Variants in TBCK observed in about 807,000 individuals in gnomAD.
The protein encoded by TBCK is TBC1 domain containing kinase, also known as TBC domain-containing protein kinase-like protein.
Under a neutral mutation model 113.4 loss-of-function variants are expected in TBCK, and 99 were observed. That is an observed-to-expected ratio of 0.87 (90% CI 0.74 to 1.03). The LOEUF (loss-of-function observed/expected upper bound fraction) is 1.03, where lower values mean the gene tolerates loss of function less well. Ranked by LOEUF, TBCK falls within the 50% of genes least tolerant of loss-of-function variation. The pLI is 0.00. For missense variants in TBCK, 1,045 were observed against 1,061.3 expected (o/e 0.98, Z 0.21); for synonymous variants, 369 against 370.8 (o/e 1.00, Z 0.05).
At chr4:106,071,416 A>T (rs924110835) in intron 25 of TBCK, among the ~76,000 whole-genome samples, 2 of 152,006 alleles carry the variant, frequency 1.3e-5, no homozygotes, top group Non-Finnish European at 2.9e-5. Context: ...TTTTGAGTGA[A>T]TTTCTTAATC....
intron 23 of TBCK, among the ~76,000 whole-genome samples, chr4:106,134,073 C>A (rs1228923709): frequency 1.3e-5 from 2 of 151,652 alleles, no homozygotes; most frequent in Non-Finnish European, 2.9e-5. Flanking sequence ...ATTGGTAAGG[C>A]AGGTAACATC....
intron 17 of TBCK, among the ~76,000 whole-genome samples, chr4:106,232,502 T>C (rs971631773): frequency 2.0e-5 from 3 of 149,970 alleles, no homozygotes; most frequent in African/African-American, 2.5e-5. Context: ...ATATGAACCA[T>C]TAAAGATACA....
chr4:106,304,416 T>C (rs1043446518), intron 2 of TBCK, among the ~76,000 whole-genome samples: 2 of 152,176 alleles, frequency 1.3e-5, no homozygotes, highest in African/African-American at 2.4e-5. Context: ...ATAGTCTCCA[T>C]AGTTCATCTA....
intron 19 of TBCK, among the ~76,000 whole-genome samples, chr4:106,216,990 C>T (rs953712518): frequency 1.3e-5 from 2 of 152,174 alleles, no homozygotes; most frequent in Admixed American, 6.5e-5. Flanking sequence ...CAAACCAAAT[C>T]CAGCAGCACA....
intron 10 of TBCK, 103 bp downstream of exon 10, chr4:106,247,036 C>T: frequency 8.7e-7 from 1 of 1,149,906 alleles, no homozygotes; most frequent in East Asian, 2.5e-5. Flanking sequence ...TCCCATGATC[C>T]CACCAATATA....
intron 21 of TBCK, 45 bp from the exon 22 acceptor site, chr4:106,193,815 C>G: frequency 8.1e-7 from 1 of 1,242,076 alleles, no homozygotes; most frequent in Non-Finnish European, 1.1e-6. Context: ...ACCAAAATAA[C>G]AATTAAAACA....
At chr4:106,113,778 A>G (rs770943119) in intron 24 of TBCK, among the ~76,000 whole-genome samples, 2 of 152,148 alleles carry the variant, frequency 1.3e-5, no homozygotes, top group Admixed American at 1.3e-4. Context: ...GTTCCTTCCT[A>G]TGCTTTATTA....
Position 106,045,867 on chromosome 4 carries a change from A to G in TBCK, c.*703T>C, listed in dbSNP as rs891189764. ...AGTTCTTAATGATCAGGAAACCAGT[A>G]GACTAGCCCTGGACTGACTGTACAG... On this transcript the variant is annotated 3_prime_UTR_variant, in exon 26 of 26. Transcript: ENST00000394708. The G allele has an allele frequency of 6.6e-6, 1 of 152,224 alleles. No homozygotes were observed. The highest frequency in any genetic ancestry group is 2.4e-5 in the African/African-American group (1 of 41,448). The allele number at this position is 152,224 out of a possible 1,614,324, so 9.4% of individuals were successfully genotyped here. A position where few individuals can be genotyped will look rare whatever the true frequency, so the allele number is the denominator to read the frequency against.
At chr4:106,166,113 ATT>A (rs1185372490) in intron 23 of TBCK, among the ~76,000 whole-genome samples, 1 of 151,752 alleles carries the variant, frequency 6.6e-6, no homozygotes, top group Non-Finnish European at 1.5e-5. Flanking sequence ...TTTAATAAAT[ATT>A]CTTTTTACAG....
rs184982623 is a variant in TBCK, at chr4:106,062,821, T to C, written c.2572-16141A>G. On this transcript the variant is annotated intron_variant, in intron 25 of 25. Transcript: ENST00000394708. ...ATGACTTTGCAGTTTTTCCTGGAAA[T>C]TGGAAAAAAGCTTGCTCTCTCTTTT... is the stretch of plus-strand genomic sequence containing the variant. Among the ~76,000 whole-genome samples, 8 of 151,946 alleles carry C rather than the reference T, an allele frequency of 5.3e-5. No homozygotes were observed. The East Asian group carries it at 1.5e-3, about 29-fold the overall frequency.
At chr4:106,268,095 A>G (rs1763149491) in intron 3 of TBCK, among the ~76,000 whole-genome samples, 2 of 152,004 alleles carry the variant, frequency 1.3e-5, no homozygotes, top group Non-Finnish European at 2.9e-5. Flanking sequence ...TAAGCTCATC[A>G]AGACCTTGGG....
chr4:106,083,017 T>G (rs1489053593), intron 25 of TBCK, among the ~76,000 whole-genome samples: 1 of 152,240 alleles, frequency 6.6e-6, no homozygotes, highest in Non-Finnish European at 1.5e-5. Context: ...AACCCTAGAA[T>G]GTGCAGATTC....
intron 25 of TBCK, among the ~76,000 whole-genome samples, chr4:106,085,276 C>CAA (rs1177658717): frequency 7.4e-6 from 1 of 135,260 alleles, no homozygotes; most frequent in African/African-American, 3.6e-5. Flanking sequence ...GAAAGAAAAA[C>CAA]AAAACAAAAC....
chr4:106,279,120 A>G (rs1764323243), intron 3 of TBCK, among the ~76,000 whole-genome samples: 1 of 152,148 alleles, frequency 6.6e-6, no homozygotes, highest in African/African-American at 2.4e-5. Flanking sequence ...ACAATACCAC[A>G]AAATAAAATT....
chr4:106,210,866 TTAAC>T lies in TBCK; in HGVS notation c.1860+1880_1860+1883del, dbSNP rs1290634400. On this transcript the variant is annotated intron_variant, in intron 20 of 25. Transcript: ENST00000394708. Reference sequence around the variant, plus strand: ...ACTCATTCAGAATTCAATTTTCTGATTAACTAAAGTTATTTGTCCTTGTGTGTTT... The same window carrying T: ...ACTCATTCAGAATTCAATTTTCTGATTAAAGTTATTTGTCCTTGTGTGTTT... Among the ~76,000 whole-genome samples, 4 of 152,350 alleles carry T rather than the reference TTAAC, an allele frequency of 2.6e-5. No individual in the cohort carries two copies. In the East Asian group the frequency reaches 5.8e-4, roughly 22 times the overall value.
chr4:106,133,895 A>G (rs986597178), intron 23 of TBCK, among the ~76,000 whole-genome samples: 3 of 152,138 alleles, frequency 2.0e-5, no homozygotes, highest in Non-Finnish European at 4.4e-5. Context: ...CTGTAATACC[A>G]GCTACTCAGG....
In TBCK at chr4:106,043,004, C is replaced by T. The variant is rs531162888; in HGVS notation, c.*3566G>A. ...AAAGAGGTCTTAATTAGAACTCCCA[C>T]CCATAAGATCCAAAGCTATGTCTTC... On this transcript the variant is annotated 3_prime_UTR_variant, in exon 26 of 26. Coordinates refer to ENST00000394708, the MANE Select transcript of TBCK (RefSeq NM_001163435.3). The T allele has an allele frequency of 2.0e-5, 3 of 152,274 alleles. No homozygotes were observed. Among genetic ancestry groups the T allele is most frequent in the African/African-American group, 7.2e-5 (3 of 41,550 alleles). The allele number at this position is 152,274 out of a possible 1,614,324, so 9.4% of individuals were successfully genotyped here.
At chr4:106,194,979 T>C (rs1465269764) in intron 20 of TBCK, among the ~76,000 whole-genome samples, 1 of 152,152 alleles carries the variant, frequency 6.6e-6, no homozygotes. Context: ...CATATCTAAC[T>C]GGATGTGTAA....
chr4:106,259,558 C>A (rs56009469), intron 5 of TBCK, among the ~76,000 whole-genome samples: 2 of 151,668 alleles, frequency 1.3e-5, no homozygotes, highest in East Asian at 3.9e-4. Context: ...GAAGTACTTA[C>A]AGGTTAAAGT....
Sources: allele counts gnomAD v4.1 joint callset (sites outside exome capture counted in the v4.1 genomes callset), GRCh38; gene constraint gnomAD v4.1.1; transcripts MANE v1.5; gene names NCBI Gene and HGNC (gene_info 2026-07-23, HGNC 2026-07-21).